PLA2G4A: variants seen among roughly 807,000 people sequenced by gnomAD.
PLA2G4A encodes cytosolic phospholipase A2.
Under a neutral mutation model 81.9 loss-of-function variants are expected in PLA2G4A, and 40 were observed. The ratio of observed to expected loss-of-function variants is 0.49; its 90% CI spans 0.38 to 0.64. The LOEUF (loss-of-function observed/expected upper bound fraction) is 0.64, where lower values mean the gene tolerates loss of function less well. Ranked by LOEUF, PLA2G4A falls within the 30% of genes least tolerant of loss-of-function variation. The pLI, the probability that PLA2G4A is intolerant of heterozygous loss-of-function variation, is 0.00. For missense variants in PLA2G4A, 715 were observed against 905.1 expected (o/e 0.79, Z 2.69); for synonymous variants, 302 against 296.9 (o/e 1.02, Z -0.18).
At chr1:186,930,068 G>C (rs1189768997) in intron 7 of PLA2G4A, among the ~76,000 whole-genome samples, 1 of 152,010 alleles carries the variant, frequency 6.6e-6, no homozygotes, top group African/African-American at 2.4e-5. Context: ...ACTCCAGCTT[G>C]GGTGAGAGAG....
chr1:186,946,088 C>T (rs1443781300), intron 10 of PLA2G4A, among the ~76,000 whole-genome samples: 1 of 152,162 alleles, frequency 6.6e-6, no homozygotes, highest in African/African-American at 2.4e-5. Context: ...CGCGCTTAGA[C>T]AGTATACATC....
intron 1 of PLA2G4A, among the ~76,000 whole-genome samples, chr1:186,853,496 T>C (rs1056767493): frequency 3.3e-5 from 5 of 151,848 alleles, no homozygotes; most frequent in Non-Finnish European, 7.4e-5. Context: ...TATTTTGAAA[T>C]AAAAACATTT....
chr1:186,847,470 G>T (rs1189728758), intron 1 of PLA2G4A, among the ~76,000 whole-genome samples: 1 of 151,776 alleles, frequency 6.6e-6, no homozygotes, highest in Non-Finnish European at 1.5e-5. Context: ...TCCTCGTTCT[G>T]CCATTTTGTA....
intron 3 of PLA2G4A, among the ~76,000 whole-genome samples, chr1:186,874,099 A>G (rs1375537025): frequency 6.6e-6 from 1 of 152,088 alleles, no homozygotes; most frequent in African/African-American, 2.4e-5. Flanking sequence ...GTTGTTGTAG[A>G]TGTGATATGT....
In PLA2G4A at chr1:186,856,731, G is replaced by A. The variant is rs142379212; in HGVS notation, c.33+2344G>A. Among the ~76,000 whole-genome samples, 19 of 151,996 alleles carry A rather than the reference G, an allele frequency of 1.3e-4. 1 individual carries two copies. In the East Asian group the frequency reaches 3.7e-3, roughly 30 times the overall value. ...AAGAGACAATGAAGATCACTCTGGA[G>A]TACATAACAGGAAGAATTAATAACA... On this transcript the variant is annotated intron_variant, in intron 2 of 17. Coordinates refer to ENST00000367466, the MANE Select transcript of PLA2G4A (RefSeq NM_024420.3).
At chr1:186,966,385 G>A (rs1039142093) in intron 15 of PLA2G4A, among the ~76,000 whole-genome samples, 1 of 152,072 alleles carries the variant, frequency 6.6e-6, no homozygotes, top group Admixed American at 6.6e-5. Flanking sequence ...AGGAATCAAG[G>A]ACACAAGTGG....
chr1:186,854,697 T>G (rs1652490780), intron 2 of PLA2G4A, among the ~76,000 whole-genome samples: 1 of 151,968 alleles, frequency 6.6e-6, no homozygotes, highest in Non-Finnish European at 1.5e-5. Context: ...GTTTACACCC[T>G]TCACATGAGT....
intron 5 of PLA2G4A, among the ~76,000 whole-genome samples, chr1:186,897,154 A>C (rs1041150767): frequency 6.6e-6 from 1 of 151,828 alleles, no homozygotes; most frequent in African/African-American, 2.4e-5. Flanking sequence ...ATTAGCAAAA[A>C]CTCTTTCATA....
At chr1:186,857,150 AT>A (rs373264008) in intron 2 of PLA2G4A, among the ~76,000 whole-genome samples, 82 of 37,262 alleles carry the variant, frequency 2.2e-3, no homozygotes, top group African/African-American at 0.016. Flanking sequence ...TAATTATATA[AT>A]TACATAATAT....
chr1:186,909,039 T>G (rs1458412758), intron 6 of PLA2G4A, among the ~76,000 whole-genome samples: 3 of 141,914 alleles, frequency 2.1e-5, no homozygotes, highest in African/African-American at 7.8e-5. Flanking sequence ...AGTGGCGCGA[T>G]CTCGGCTCAC....
intron 1 of PLA2G4A, among the ~76,000 whole-genome samples, chr1:186,849,444 G>A (rs1384817969): frequency 2.0e-5 from 3 of 152,086 alleles, no homozygotes; most frequent in African/African-American, 7.2e-5. Flanking sequence ...AAATGACGTT[G>A]AGACTGAATC....
intron 1 of PLA2G4A, among the ~76,000 whole-genome samples, chr1:186,837,078 A>G (rs1651802385): frequency 6.6e-6 from 1 of 152,162 alleles, no homozygotes; most frequent in Non-Finnish European, 1.5e-5. Context: ...AAAACCAGGT[A>G]TTAGGGTGAT....
intron 13 of PLA2G4A, among the ~76,000 whole-genome samples, chr1:186,953,387 G>T (rs1656632438): frequency 6.6e-6 from 1 of 152,170 alleles, no homozygotes; most frequent in African/African-American, 2.4e-5. Flanking sequence ...ATCAGTTCAG[G>T]CCTTTGGCCC....
chr1:186,915,235 C>T (rs1655097602), intron 7 of PLA2G4A, among the ~76,000 whole-genome samples: 1 of 152,126 alleles, frequency 6.6e-6, no homozygotes, highest in Non-Finnish European at 1.5e-5. Flanking sequence ...GGTTAAATTT[C>T]CCACAGACCC....
intron 3 of PLA2G4A, among the ~76,000 whole-genome samples, chr1:186,889,378 G>A (rs1012012512): frequency 1.3e-5 from 2 of 152,228 alleles, no homozygotes; most frequent in Non-Finnish European, 2.9e-5. Context: ...GGTCTTCGGG[G>A]ATGAAGGTCG....
intron 1 of PLA2G4A, among the ~76,000 whole-genome samples, chr1:186,839,737 AG>A (rs1651910182): frequency 6.6e-6 from 1 of 152,116 alleles, no homozygotes; most frequent in African/African-American, 2.4e-5. Context: ...TGCTAGCAAA[AG>A]TAGGTAGTAT....
At chr1:186,898,820 A>G (rs1321487895) in intron 5 of PLA2G4A, among the ~76,000 whole-genome samples, 1 of 152,234 alleles carries the variant, frequency 6.6e-6, no homozygotes, top group Non-Finnish European at 1.5e-5. Flanking sequence ...ACTTCAGTGT[A>G]TCATTATCTA....
intron 14 of PLA2G4A, among the ~76,000 whole-genome samples, chr1:186,961,693 A>G (rs1656951111): frequency 6.6e-6 from 1 of 152,170 alleles, no homozygotes; most frequent in Non-Finnish European, 1.5e-5. Flanking sequence ...CAAACAGAAT[A>G]TGAGAGAAAT....
intron 10 of PLA2G4A, among the ~76,000 whole-genome samples, chr1:186,943,751 A>G (rs1055792086): frequency 6.6e-6 from 1 of 152,204 alleles, no homozygotes; most frequent in Non-Finnish European, 1.5e-5. Flanking sequence ...TCTAGGACTT[A>G]TGCACACATT....
Sources: gnomAD v4.1 joint callset for allele counts (sites outside exome capture counted in the v4.1 genomes callset) on GRCh38, gnomAD v4.1.1 for gene constraint, MANE v1.5 for transcripts, NCBI Gene and HGNC (gene_info 2026-07-23, HGNC 2026-07-21) for gene names.